The following MYOM1 variants were observed in gnomAD, a reference collection of about 807,000 sequenced individuals.
MYOM1 encodes the protein myomesin 1.
In MYOM1, 164 loss-of-function variants were observed where a neutral mutation model predicts 205.3. The ratio of observed to expected loss-of-function variants is 0.80; its 90% confidence interval spans 0.70 to 0.91. MYOM1 has a LOEUF of 0.91. Ranked by LOEUF, MYOM1 falls within the 40% of genes least tolerant of loss-of-function variation. The pLI is 0.00. For synonymous variants in MYOM1, 772 were observed against 789.4 expected (o/e 0.98, Z 0.37); for missense variants, 2,011 against 2,127.3 (o/e 0.95, Z 1.08).
chr18:3,166,453 G>T (rs572039588), intron 9 of MYOM1, among the ~76,000 whole-genome samples: 95 of 149,940 alleles, frequency 6.3e-4, no homozygotes, highest in African/African-American at 2.0e-3. Context: ...TTTTTGTTTT[G>T]TTTTGTTTTT....
At chr18:3,232,944 G>T in the MYOM1 span, among the ~76,000 whole-genome samples, 26 of 152,232 alleles carry the variant, frequency 1.7e-4, no homozygotes, top group Non-Finnish European at 3.1e-4. Flanking sequence ...ATCTGATTTG[G>T]AGGTTTGAAA....
At chr18:3,099,541 C>T (rs2079350344) in intron 25 of MYOM1, among the ~76,000 whole-genome samples, 1 of 152,190 alleles carries the variant, frequency 6.6e-6, no homozygotes, top group African/African-American at 2.4e-5. Context: ...CAAGAGATCC[C>T]CCCATCTGGC....
rs1419047943 is a variant in MYOM1 at position 3,085,115 on chromosome 18, A to C, written c.4269T>G (p.Ala1423=). 6.2e-7 allele frequency: 1 copy of C among 1,607,138 alleles called. No homozygotes were observed. Among genetic ancestry groups the C allele is most frequent in the East Asian group, 2.2e-5 (1 of 44,606 alleles). ...LLITEFSKKD[A]GIYEVILKDD... is the part of the protein sequence containing the mutation. ...CTTTCAGGATAACTTCATAAATCCC[A>C]GCATCTTTCTTGGAAAACTAAGGGG... Residue 1423 remains alanine (A), a synonymous_variant, in exon 31 of 38, where the codon GCT becomes GCG. Coordinates refer to ENST00000356443, the MANE Select transcript of MYOM1 (RefSeq NM_003803.4).
At chr18:3,102,302 C>A (rs1216062955) in intron 23 of MYOM1, among the ~76,000 whole-genome samples, 172 bp downstream of exon 23, 2 of 152,082 alleles carry the variant, frequency 1.3e-5, no homozygotes, top group Non-Finnish European at 2.9e-5. Flanking sequence ...CCGCGCTCGG[C>A]CTAGGATGAT....
intron 20 of MYOM1, among the ~76,000 whole-genome samples, chr18:3,117,068 G>A (rs890085803): frequency 1.3e-5 from 2 of 152,080 alleles, no homozygotes; most frequent in Non-Finnish European, 2.9e-5. Context: ...TGTTGACCAG[G>A]CTGGTCTTGA....
intron 21 of MYOM1, 134 bp from the exon 22 acceptor site, chr18:3,112,546 T>C: frequency 1.8e-6 from 1 of 560,028 alleles, no homozygotes; most frequent in Non-Finnish European, 3.0e-6. Context: ...ACTTGTGGTC[T>C]AGATTTGATT....
chr18:3,154,113 C>T (rs982104272), intron 11 of MYOM1, among the ~76,000 whole-genome samples: 4 of 151,914 alleles, frequency 2.6e-5, no homozygotes, highest in Non-Finnish European at 4.4e-5. Context: ...GGTAGTATTA[C>T]CAAAGTAAAT....
intron 36 of MYOM1, among the ~76,000 whole-genome samples, 198 bp downstream of exon 36, chr18:3,075,256 A>C (rs1400073554): frequency 6.6e-6 from 1 of 152,186 alleles, no homozygotes; most frequent in Non-Finnish European, 1.5e-5. Flanking sequence ...CATTCTTTAC[A>C]ATGTAACCTG....
At chr18:3,159,612 G>A (rs2080351892) in intron 10 of MYOM1, among the ~76,000 whole-genome samples, 1 of 152,044 alleles carries the variant, frequency 6.6e-6, no homozygotes, top group African/African-American at 2.4e-5. Context: ...GCGGGTGAAC[G>A]TATAGGCAAA....
chr18:3,215,219 G>T lies in MYOM1; in HGVS notation c.5C>A (p.Ser2Tyr). 1 of 1,608,976 alleles carries T rather than the reference G, an allele frequency of 6.2e-7. No homozygotes were observed. Residue 2 changes from serine to tyrosine, a missense_variant, in exon 2 of 38, where the codon TCT (serine) becomes TAT (tyrosine). Transcript: ENST00000356443. ...GTGGCACCTCTGATAAAAAGGCAAA[G>T]ACATCCTGTGCCCCTTGAAGGAACC... M[S>Y]LPFYQRCHQH...
chr18:3,121,987 C>T (rs1313884635), intron 19 of MYOM1, among the ~76,000 whole-genome samples: 6 of 152,026 alleles, frequency 3.9e-5, no homozygotes, highest in Non-Finnish European at 7.4e-5. Flanking sequence ...GGCGTGGTGG[C>T]ACATGCCTGT....
At chr18:3,141,820 G>T in intron 14 of MYOM1, 119 bp downstream of exon 14, 1 of 1,235,794 alleles carries the variant, frequency 8.1e-7, no homozygotes, top group Non-Finnish European at 1.2e-6. Flanking sequence ...ACAATCTAGT[G>T]AGATCAGGAC....
chr18:3,112,497 T>A, intron 21 of MYOM1, 85 bp from the exon 22 acceptor site: 1 of 1,010,554 alleles, frequency 9.9e-7, no homozygotes, highest in Non-Finnish European at 1.4e-6. Flanking sequence ...GCTCTTCCTC[T>A]GTAGTAATGA....
chr18:3,094,500 T>G (rs1476374134), intron 25 of MYOM1, among the ~76,000 whole-genome samples, 194 bp from the exon 26 acceptor site: 1 of 152,130 alleles, frequency 6.6e-6, no homozygotes, highest in East Asian at 1.9e-4. Flanking sequence ...TCAGCTCTGA[T>G]GCTGGGACTG....
chr18:3,091,304 A>G (rs2079223096), intron 26 of MYOM1, among the ~76,000 whole-genome samples: 1 of 151,930 alleles, frequency 6.6e-6, no homozygotes, highest in Admixed American at 6.6e-5. Context: ...CAACAAGAGC[A>G]AAACTCTGTC....
chr18:3,215,229 G>A lies in MYOM1; in HGVS notation c.-6C>T. ...TGATAAAAAGGCAAAGACATCCTGT[G>A]CCCCTTGAAGGAACCGGGCCACCTG... On this transcript the variant is annotated 5_prime_UTR_variant, in exon 2 of 38. Coordinates refer to ENST00000356443, the MANE Select transcript of MYOM1 (RefSeq NM_003803.4). 6.2e-7 allele frequency: 1 copy of A among 1,602,906 alleles called. No individual in the cohort carries two copies. Among genetic ancestry groups the A allele is most frequent in the Non-Finnish European group, 8.5e-7 (1 of 1,173,398 alleles).
At chr18:3,124,825 A>T (rs2079756015) in intron 19 of MYOM1, among the ~76,000 whole-genome samples, 1 of 152,222 alleles carries the variant, frequency 6.6e-6, no homozygotes, top group Non-Finnish European at 1.5e-5. Flanking sequence ...ATTTCACCAC[A>T]AAGGCACAAA....
chr18:3,136,313 T>G (rs77533040), intron 14 of MYOM1, among the ~76,000 whole-genome samples: 4,539 of 152,302 alleles, frequency 0.03, 246 homozygotes, highest in African/African-American at 0.1. Context: ...TATGCTACTT[T>G]AATATTTCTC....
chr18:3,075,790 T>A (rs761968600), intron 34 of MYOM1, 29 bp from the exon 35 acceptor site: 2 of 1,552,828 alleles, frequency 1.3e-6, no homozygotes, highest in South Asian at 2.4e-5. Flanking sequence ...AAGTTAGAAT[T>A]TTCTCACCCA....
Sources: gnomAD v4.1 joint callset for allele counts (sites outside exome capture counted in the v4.1 genomes callset) on GRCh38, gnomAD v4.1.1 for gene constraint, MANE v1.5 for transcripts, NCBI Gene and HGNC (gene_info 2026-07-23, HGNC 2026-07-21) for gene names.